Variants in OR14I1 observed in about 807,000 individuals in gnomAD.
OR14I1 encodes olfactory receptor 14I1.
For missense variants in OR14I1, 279 were observed against 181.8 expected (o/e 1.53, Z -3.07); for synonymous variants, 118 against 71.1 (o/e 1.66, Z -3.32).
chr1:248,690,878 A>C, the OR14I1 span, among the ~76,000 whole-genome samples: 1 of 152,214 alleles, frequency 6.6e-6, no homozygotes, highest in South Asian at 2.1e-4. Context: ...GCAGCACATC[A>C]AAAAGATTAT....
chr1:248,686,915 A>G (rs1274192149), upstream of OR14I1, among the ~76,000 whole-genome samples: 3 of 152,234 alleles, frequency 2.0e-5, no homozygotes, highest in African/African-American at 7.2e-5. Context: ...AACCTGATGT[A>G]TAATATATCA....
chr1:248,696,872 T>C, the OR14I1 span, among the ~76,000 whole-genome samples: 1 of 152,236 alleles, frequency 6.6e-6, no homozygotes, highest in South Asian at 2.1e-4. Flanking sequence ...CTAGTGTTAT[T>C]GGATGCGTTT....
the OR14I1 span, among the ~76,000 whole-genome samples, chr1:248,695,124 G>A: frequency 6.6e-6 from 1 of 151,722 alleles, no homozygotes; most frequent in Non-Finnish European, 1.5e-5. Flanking sequence ...TGAATTGGAA[G>A]GTCTCTCTAA....
upstream of OR14I1, among the ~76,000 whole-genome samples, chr1:248,683,281 C>A (rs1399854166): frequency 6.6e-6 from 1 of 152,078 alleles, no homozygotes; most frequent in Non-Finnish European, 1.5e-5. Context: ...TATTGTTTAT[C>A]ATATTTTGTT....
At chr1:248,678,654 A>G (rs1465738710), downstream of OR14I1, among the ~76,000 whole-genome samples, 3 of 152,252 alleles carry the variant, frequency 2.0e-5, no homozygotes, top group African/African-American at 7.2e-5. Context: ...CAGGTTACCT[A>G]CAAAGCCTTA....
chr1:248,690,475 C>T, the OR14I1 span, among the ~76,000 whole-genome samples: 24 of 151,794 alleles, frequency 1.6e-4, no homozygotes, highest in African/African-American at 5.6e-4. Flanking sequence ...ACTAGAAAAT[C>T]TAGAAGAAAC....
the OR14I1 span, among the ~76,000 whole-genome samples, chr1:248,694,958 G>A: frequency 6.6e-6 from 1 of 152,212 alleles, no homozygotes. Context: ...CATTTGAAAT[G>A]AGACTGGTGT....
chr1:248,683,422 C>T (rs1044947871), upstream of OR14I1, among the ~76,000 whole-genome samples: 12 of 152,154 alleles, frequency 7.9e-5, no homozygotes, highest in Admixed American at 7.2e-4. Flanking sequence ...AAACTAGAGC[C>T]AACTTTAAAC....
chr1:248,690,140 C>T, the OR14I1 span, among the ~76,000 whole-genome samples: 6 of 152,082 alleles, frequency 3.9e-5, no homozygotes, highest in East Asian at 1.9e-4. Flanking sequence ...GATCTAAAAT[C>T]GACACCCTAA....
At chr1:248,701,193 C>T in the OR14I1 span, among the ~76,000 whole-genome samples, 9 of 152,264 alleles carry the variant, frequency 5.9e-5, no homozygotes, top group African/African-American at 7.2e-5. Context: ...TCTCTATCAC[C>T]CAGGCTGGAG....
the OR14I1 span, among the ~76,000 whole-genome samples, chr1:248,699,714 A>T: frequency 6.6e-6 from 1 of 152,142 alleles, no homozygotes; most frequent in Non-Finnish European, 1.5e-5. Flanking sequence ...GATGATCAAA[A>T]GCCAAGGTCC....
the OR14I1 span, among the ~76,000 whole-genome samples, chr1:248,696,249 C>A: frequency 6.6e-6 from 1 of 152,200 alleles, no homozygotes; most frequent in East Asian, 1.9e-4. Flanking sequence ...GTGAACAAAT[C>A]AAAACTACCT....
chr1:248,691,406 A>G, the OR14I1 span, among the ~76,000 whole-genome samples: 1 of 152,192 alleles, frequency 6.6e-6, no homozygotes, highest in Admixed American at 6.5e-5. Flanking sequence ...GATGACTTGG[A>G]GGGTATTGGT....
the OR14I1 span, among the ~76,000 whole-genome samples, chr1:248,690,748 T>C: frequency 2.0e-5 from 3 of 150,688 alleles, no homozygotes; most frequent in African/African-American, 7.3e-5. Context: ...AGCATCACCC[T>C]GATACCATAA....
chr1:248,688,392 C>T, the OR14I1 span, among the ~76,000 whole-genome samples: 1 of 152,222 alleles, frequency 6.6e-6, no homozygotes, highest in Non-Finnish European at 1.5e-5. Context: ...ATGTAAATTT[C>T]TCTTACAAAG....
upstream of OR14I1, among the ~76,000 whole-genome samples, chr1:248,684,068 A>G (rs2892355): frequency 0.74 from 112,019 of 152,164 alleles, 44,439 homozygotes; most frequent in Non-Finnish European, 0.88. Flanking sequence ...ACTGTCACAC[A>G]AAGTCAAGTG....
chr1:248,693,297 C>T, the OR14I1 span, among the ~76,000 whole-genome samples: 853 of 152,224 alleles, frequency 5.6e-3, 9 homozygotes, highest in African/African-American at 0.019. Context: ...ATTGACTATT[C>T]CTGGCCACCT....
chr1:248,702,673 C>A, the OR14I1 span, among the ~76,000 whole-genome samples: 1 of 152,094 alleles, frequency 6.6e-6, no homozygotes, highest in Non-Finnish European at 1.5e-5. Flanking sequence ...GGTGTACTGC[C>A]TCTGCTCAAA....
chr1:248,696,054 C>T, the OR14I1 span, among the ~76,000 whole-genome samples: 1 of 152,134 alleles, frequency 6.6e-6, no homozygotes. Context: ...CTCCCCACTC[C>T]CACCACCTCT....
Sources: allele counts gnomAD v4.1 joint callset (sites outside exome capture counted in the v4.1 genomes callset), GRCh38; gene constraint gnomAD v4.1.1; transcripts MANE v1.5; gene names NCBI Gene and HGNC (gene_info 2026-07-23, HGNC 2026-07-21).